Variants in PRKCQ observed in about 807,000 individuals in gnomAD.
PRKCQ encodes protein kinase C theta type.
A neutral mutation model predicts 91.2 loss-of-function variants in PRKCQ; 41 were observed. That is an observed-to-expected ratio of 0.45 (90% CI 0.35 to 0.58). The LOEUF is 0.58. Among genes scored for constraint, PRKCQ ranks in the 20% least tolerant of loss-of-function variants. The pLI, the probability that PRKCQ is intolerant of heterozygous loss-of-function variation, is 0.00. For synonymous variants in PRKCQ, 307 were observed against 316.9 expected, an observed-to-expected ratio of 0.97 and a Z score of 0.33; for missense variants, 673 against 896.5, an observed-to-expected ratio of 0.75 and a Z score of 3.18.
the PRKCQ span, among the ~76,000 whole-genome samples, chr10:6,401,208 T>C: frequency 1.9e-4 from 29 of 152,136 alleles, no homozygotes; most frequent in Non-Finnish European, 3.7e-4. Flanking sequence ...CGCTATGACA[T>C]GTATCTAGCC....
downstream of PRKCQ, among the ~76,000 whole-genome samples, chr10:6,426,361 G>A (rs902338492): frequency 2.0e-5 from 3 of 152,190 alleles, no homozygotes; most frequent in Non-Finnish European, 4.4e-5. Context: ...CAGAACGGGC[G>A]GCTCCCTGCC....
Position 6,448,535 on chromosome 10 carries a change from A to G in PRKCQ, c.1648-6454T>C, listed in dbSNP as rs200447393. ...GCAATTGCCCTGCCTCAGCCTCCTG[A>G]GCAGCTGGGATTACAGGTACGTGCC... is the stretch of plus-strand genomic sequence containing the variant. On this transcript the variant is annotated intron_variant, in intron 15 of 17. Transcript: ENST00000263125. Among the ~76,000 whole-genome samples, 16 of 152,036 alleles carry G rather than the reference A, an allele frequency of 1.1e-4. No individual in the cohort carries two copies. The East Asian group carries it at 2.1e-3, about 20-fold the overall frequency.
chr10:6,561,192 G>A (rs575508412), intron 1 of PRKCQ, among the ~76,000 whole-genome samples: 17 of 151,464 alleles, frequency 1.1e-4, no homozygotes, highest in African/African-American at 2.7e-4. Context: ...GCAACACAGC[G>A]AAACTGTGTC....
At chr10:6,498,237 C>T (rs771011213) in intron 5 of PRKCQ, among the ~76,000 whole-genome samples, 159 bp downstream of exon 5, 26 of 152,054 alleles carry the variant, frequency 1.7e-4, no homozygotes, top group Non-Finnish European at 2.9e-4. Context: ...TTGGATCACA[C>T]CATTTGAACC....
intron 11 of PRKCQ, 82 bp from the exon 12 acceptor site, chr10:6,479,247 C>G (rs565177718): frequency 6.6e-7 from 1 of 1,515,124 alleles, no homozygotes; most frequent in Non-Finnish European, 9.0e-7. Flanking sequence ...CTGAGAGACA[C>G]CTGTGTTGGG....
intron 12 of PRKCQ, among the ~76,000 whole-genome samples, chr10:6,478,025 C>T (rs1304170715): frequency 6.6e-6 from 1 of 152,120 alleles, no homozygotes; most frequent in Non-Finnish European, 1.5e-5. Context: ...AGAGAGGAGA[C>T]AAACCAGTAA....
chr10:6,551,648 G>A (rs1457554006), intron 1 of PRKCQ, among the ~76,000 whole-genome samples: 1 of 151,962 alleles, frequency 6.6e-6, no homozygotes, highest in Non-Finnish European at 1.5e-5. Context: ...CGCCTGCCTC[G>A]GCCTCCCAAA....
chr10:6,431,037 A>C (rs746221118), intron 16 of PRKCQ, 99 bp from the exon 17 acceptor site: 4 of 1,437,596 alleles, frequency 2.8e-6, no homozygotes, highest in Non-Finnish European at 3.7e-6. Context: ...CTTCTTTTCT[A>C]ACCTCATTTT....
intron 17 of PRKCQ, among the ~76,000 whole-genome samples, chr10:6,429,854 T>G (rs11596750): frequency 1.3e-5 from 2 of 151,836 alleles, no homozygotes; most frequent in African/African-American, 2.4e-5. Flanking sequence ...CTTGGCCTAC[T>G]GAGGAGTTTG....
chr10:6,470,401 G>A (rs901012743), intron 12 of PRKCQ, among the ~76,000 whole-genome samples: 1 of 152,196 alleles, frequency 6.6e-6, no homozygotes, highest in Admixed American at 6.5e-5. Context: ...TTCCCCTGAA[G>A]AGTCCCATGC....
At chr10:6,560,626 C>T (rs1008264255) in intron 1 of PRKCQ, among the ~76,000 whole-genome samples, 4 of 152,298 alleles carry the variant, frequency 2.6e-5, no homozygotes, top group African/African-American at 9.6e-5. Flanking sequence ...TGCTTACATA[C>T]TCAGTGAATT....
intron 1 of PRKCQ, among the ~76,000 whole-genome samples, chr10:6,573,263 A>C (rs1438468764): frequency 6.6e-6 from 1 of 152,248 alleles, no homozygotes; most frequent in Non-Finnish European, 1.5e-5. Flanking sequence ...CAGTGAAAAC[A>C]GAACGGAAAA....
chr10:6,487,988 G>C (rs927205869), intron 8 of PRKCQ, among the ~76,000 whole-genome samples: 1 of 136,144 alleles, frequency 7.3e-6, no homozygotes, highest in African/African-American at 2.8e-5. Flanking sequence ...CTGGGAGACA[G>C]AGCGAGACTG....
intron 1 of PRKCQ, among the ~76,000 whole-genome samples, chr10:6,530,537 T>C (rs924085704): frequency 3.3e-5 from 5 of 152,192 alleles, no homozygotes; most frequent in South Asian, 2.1e-4. Flanking sequence ...GACTGGGCTA[T>C]CACAGTCACA....
chr10:6,533,822 C>A (rs981801760), intron 1 of PRKCQ, among the ~76,000 whole-genome samples: 1 of 152,096 alleles, frequency 6.6e-6, no homozygotes, highest in Non-Finnish European at 1.5e-5. Context: ...TGTCTACCAG[C>A]TAAAACCTAC....
chr10:6,518,804 CA>C (rs1443195695), intron 1 of PRKCQ, among the ~76,000 whole-genome samples: 1 of 151,864 alleles, frequency 6.6e-6, no homozygotes, highest in Non-Finnish European at 1.5e-5. Context: ...GGCAACAGAG[CA>C]AGACTCTGTC....
At chr10:6,400,631 G>A in the PRKCQ span, among the ~76,000 whole-genome samples, 308 of 136,174 alleles carry the variant, frequency 2.3e-3, no homozygotes, top group African/African-American at 2.9e-3. Flanking sequence ...CTTCCTTTCA[G>A]AAAAAAAAAA....
At chr10:6,494,741 C>T (rs749998426) in intron 7 of PRKCQ, among the ~76,000 whole-genome samples, 1 of 152,182 alleles carries the variant, frequency 6.6e-6, no homozygotes, top group Non-Finnish European at 1.5e-5. Flanking sequence ...CCTGAACTTT[C>T]TCTATTTCCT....
chr10:6,522,362 T>C (rs1025774715), intron 1 of PRKCQ, among the ~76,000 whole-genome samples: 4 of 152,216 alleles, frequency 2.6e-5, no homozygotes, highest in Admixed American at 6.5e-5. Flanking sequence ...TCAAGTATAA[T>C]TGCTCAGTGC....
Sources: allele counts gnomAD v4.1 joint callset (sites outside exome capture counted in the v4.1 genomes callset), GRCh38; gene constraint gnomAD v4.1.1; transcripts MANE v1.5; gene names NCBI Gene and HGNC (gene_info 2026-07-23, HGNC 2026-07-21).